Variants in NCOA2 observed in about 807,000 individuals in gnomAD.
NCOA2 encodes nuclear receptor coactivator 2.
A neutral mutation model predicts 145.1 loss-of-function variants in NCOA2; 21 were observed. The ratio of observed to expected loss-of-function variants is 0.14; its 90% CI spans 0.10 to 0.21. NCOA2 has a LOEUF of 0.21. NCOA2 is among the 10% of genes least tolerant of loss of function. The probability of loss-of-function intolerance (pLI) is 1.00; values close to 1 mark genes in which losing one functional copy is unlikely to be tolerated. For missense variants in NCOA2, 1,472 were observed against 1,837.6 expected, an observed-to-expected ratio of 0.80 and a Z score of 3.64; for synonymous variants, 619 against 637.5, an observed-to-expected ratio of 0.97 and a Z score of 0.44.
chr8:70,267,031 C>T (rs971514463), intron 2 of NCOA2, among the ~76,000 whole-genome samples: 1 of 152,110 alleles, frequency 6.6e-6, no homozygotes, highest in Non-Finnish European at 1.5e-5. Flanking sequence ...ATAATCAATG[C>T]CTATCCTTGG....
the NCOA2 span, among the ~76,000 whole-genome samples, chr8:70,440,082 C>T: frequency 1.5e-4 from 23 of 152,056 alleles, no homozygotes; most frequent in African/African-American, 5.3e-4. Context: ...AAACGAGGAT[C>T]GAGACCATCC....
At chr8:70,400,738 T>C (rs2131807420) in intron 1 of NCOA2, among the ~76,000 whole-genome samples, 1 of 152,328 alleles carries the variant, frequency 6.6e-6, no homozygotes, top group Non-Finnish European at 1.5e-5. Flanking sequence ...AAAATGATCC[T>C]GAATTGGGAA....
upstream of NCOA2, among the ~76,000 whole-genome samples, chr8:70,405,377 C>T (rs1381045783): frequency 6.9e-6 from 1 of 145,204 alleles, no homozygotes; most frequent in Non-Finnish European, 1.5e-5. Context: ...TTTTATTTTG[C>T]ACACCTATCT....
rs566777372 is a variant in NCOA2 at position 70,383,646 on chromosome 8, C to T, written c.-77+20054G>A. ...TCAGCCTCCCGAGTAGCTGGGATTA[C>T]AGGCATACACCACCACACCTGGCTA... is the stretch of plus-strand genomic sequence containing the variant. On this transcript the variant is annotated intron_variant, in intron 1 of 22. Transcript: ENST00000452400. Among the ~76,000 whole-genome samples, 6 of 152,220 alleles carry T rather than the reference C, an allele frequency of 3.9e-5. No individual in the cohort carries two copies. The East Asian group carries it at 1.2e-3, about 29-fold the overall frequency.
chr8:70,263,428 G>A (rs1236555322), intron 2 of NCOA2, among the ~76,000 whole-genome samples: 1 of 151,992 alleles, frequency 6.6e-6, no homozygotes, highest in African/African-American at 2.4e-5. Context: ...CACAACTGTA[G>A]TGACCAAACA....
the NCOA2 span, among the ~76,000 whole-genome samples, chr8:70,440,153 C>G: frequency 1.3e-5 from 2 of 152,050 alleles, no homozygotes; most frequent in Non-Finnish European, 2.9e-5. Flanking sequence ...GGCATGGTGG[C>G]GCACACCTGT....
At chr8:70,164,653 T>A (rs1459008225) in intron 7 of NCOA2, among the ~76,000 whole-genome samples, 2 of 152,084 alleles carry the variant, frequency 1.3e-5, no homozygotes, top group Non-Finnish European at 2.9e-5. Context: ...TAGGATATAG[T>A]TTTTAACTTG....
chr8:70,409,258 T>G, the NCOA2 span, among the ~76,000 whole-genome samples: 1 of 152,130 alleles, frequency 6.6e-6, no homozygotes, highest in Non-Finnish European at 1.5e-5. Context: ...CAAGACAAAC[T>G]TGAGGAAGCA....
At chr8:70,202,461 ATGAATAAAGAAAATG>A (rs1817995078) in intron 4 of NCOA2, among the ~76,000 whole-genome samples, 1 of 152,226 alleles carries the variant, frequency 6.6e-6, no homozygotes, top group African/African-American at 2.4e-5. Context: ...CAATGGATAA[ATGAATAAAGAAAATG>A]TGGTATATAA....
chr8:70,181,014 C>T (rs1427333256), intron 4 of NCOA2, among the ~76,000 whole-genome samples: 3 of 152,248 alleles, frequency 2.0e-5, no homozygotes, highest in Non-Finnish European at 4.4e-5. Flanking sequence ...AAGGCCTTTA[C>T]ATAATCTTCT....
chr8:70,115,639 A>C (rs1807015633), intron 22 of NCOA2, among the ~76,000 whole-genome samples: 1 of 152,220 alleles, frequency 6.6e-6, no homozygotes, highest in South Asian at 2.1e-4. Flanking sequence ...TTTTCATAAC[A>C]CTAGTAAATA....
chr8:70,339,034 A>T (rs1170222733), intron 1 of NCOA2, among the ~76,000 whole-genome samples: 1 of 152,154 alleles, frequency 6.6e-6, no homozygotes, highest in African/African-American at 2.4e-5. Context: ...TAAGACAAGG[A>T]TCCCCTCTCT....
intron 1 of NCOA2, among the ~76,000 whole-genome samples, chr8:70,395,892 C>T (rs1464087396): frequency 2.6e-5 from 4 of 152,202 alleles, no homozygotes; most frequent in Admixed American, 2.6e-4. Flanking sequence ...ATTATATTCT[C>T]GTCGATGACA....
At chr8:70,413,787 G>A in the NCOA2 span, among the ~76,000 whole-genome samples, 53 of 152,176 alleles carry the variant, frequency 3.5e-4, no homozygotes, top group South Asian at 6.2e-4. Flanking sequence ...TATGAATGTC[G>A]TTTTTTAACA....
At position 70,403,758 on chromosome 8, in the gene NCOA2, C is replaced by G; in HGVS notation, c.-135G>C. The G allele has an allele frequency of 2.5e-6, 1 of 397,806 alleles. No homozygotes were observed. The highest frequency in any genetic ancestry group is 4.4e-6 in the Non-Finnish European group (1 of 225,504). The allele number at this position is 397,806 out of a possible 1,614,324, so 24.6% of individuals were successfully genotyped here. On this transcript the variant is annotated 5_prime_UTR_variant, in exon 1 of 23. Transcript: ENST00000452400. ...TGCCGTCGGCGCTGACCTTCGCCGC[C>G]GAAGCTGTAGCCGAGGCTGCGGCCG... is the stretch of plus-strand genomic sequence containing the variant.
chr8:70,359,149 G>C (rs186731718), intron 1 of NCOA2, among the ~76,000 whole-genome samples: 99 of 152,322 alleles, frequency 6.5e-4, no homozygotes, highest in African/African-American at 2.3e-3. Flanking sequence ...AAATGGTGCA[G>C]CTGCTGTGGA....
At chr8:70,316,286 G>T (rs186968961) in intron 1 of NCOA2, among the ~76,000 whole-genome samples, 166 of 152,216 alleles carry the variant, frequency 1.1e-3, no homozygotes, top group Non-Finnish European at 3.1e-4. Flanking sequence ...GGTTTATGAG[G>T]GCTCAAACTT....
chr8:70,312,858 T>C (rs537410690), intron 1 of NCOA2, among the ~76,000 whole-genome samples: 2 of 151,868 alleles, frequency 1.3e-5, no homozygotes, highest in African/African-American at 2.4e-5. Flanking sequence ...GTGACACAAA[T>C]GACATGACAT....
intron 6 of NCOA2, among the ~76,000 whole-genome samples, chr8:70,168,454 G>A (rs956626286): frequency 9.2e-5 from 14 of 152,180 alleles, no homozygotes; most frequent in Admixed American, 2.6e-4. Flanking sequence ...GAGAAGCTGG[G>A]ATTACAGGCA....
Sources: gnomAD v4.1 joint callset for allele counts (sites outside exome capture counted in the v4.1 genomes callset) on GRCh38, gnomAD v4.1.1 for gene constraint, MANE v1.5 for transcripts, NCBI Gene and HGNC (gene_info 2026-07-23, HGNC 2026-07-21) for gene names.